Variants in NUP58 observed in about 807,000 individuals in gnomAD.
NUP58 encodes nucleoporin 58, also known as nucleoporin p58/p45.
In NUP58, 17 loss-of-function variants were observed where a neutral mutation model predicts 70.1. That is an observed-to-expected ratio of 0.24 (90% CI 0.17 to 0.36). The LOEUF (loss-of-function observed/expected upper bound fraction) is 0.36, where lower values mean the gene tolerates loss of function less well. Among genes scored for constraint, NUP58 ranks in the 10% least tolerant of loss-of-function variants. The probability of loss-of-function intolerance (pLI) is 1.00; values close to 1 mark genes in which losing one functional copy is unlikely to be tolerated. For missense variants in NUP58, 644 were observed against 701.5 expected (o/e 0.92, Z 0.93); for synonymous variants, 275 against 257.6 (o/e 1.07, Z -0.65).
chr13:25,332,982 G>C, intron 13 of NUP58: 1 of 983,034 alleles, frequency 1.0e-6, no homozygotes, highest in Non-Finnish European at 1.2e-6. Context: ...GTGTAGATTT[G>C]GTTAAGTGTT....
At chr13:25,307,577 A>G (rs1249488523) in intron 1 of NUP58, among the ~76,000 whole-genome samples, 1 of 152,062 alleles carries the variant, frequency 6.6e-6, no homozygotes, top group Admixed American at 6.6e-5. Context: ...TTTTAAGACT[A>G]CTTTTACATG....
intron 15 of NUP58, 183 bp downstream of exon 15, chr13:25,338,914 A>G (rs1311070248): frequency 2.3e-6 from 1 of 427,794 alleles, no homozygotes; most frequent in Non-Finnish European, 4.2e-6. Flanking sequence ...ACTAAAGGGC[A>G]GGTTTGTAAA....
chr13:25,332,024 T>G lies in NUP58; in HGVS notation c.1435+466T>G, dbSNP rs903206695. 5.9e-6 allele frequency: 6 copies of G among 1,012,808 alleles called. No individual in the cohort carries two copies. In the African/African-American group the frequency reaches 1.0e-4, roughly 17 times the overall value. 62.7% of individuals were successfully genotyped at this position (1,012,808 alleles called of 1,614,324 possible). A position where few individuals can be genotyped will look rare whatever the true frequency, so the allele number is the denominator to read the frequency against. ...CCCACATTCAGGATGAAGTATGCTT[T>G]TATTGACTGAAGGTATGTTGAAGAT... On this transcript the variant is annotated intron_variant, in intron 13 of 15. Transcript: ENST00000381736.
At chr13:25,319,274 T>C in intron 6 of NUP58, 52 bp from the exon 7 acceptor site, 1 of 1,428,136 alleles carries the variant, frequency 7.0e-7, no homozygotes, top group Non-Finnish European at 9.9e-7. Context: ...GTATTTGGAG[T>C]ATGTTGTTCA....
At chr13:25,319,500 A>G (rs933063707) in intron 7 of NUP58, 150 bp downstream of exon 7, 7 of 644,548 alleles carry the variant, frequency 1.1e-5, no homozygotes, top group African/African-American at 3.6e-5. Context: ...AAAATAATAG[A>G]CGTATGTTCT....
chr13:25,335,622 ATTAG>A (rs2031753169), intron 13 of NUP58: 1 of 984,934 alleles, frequency 1.0e-6, no homozygotes, highest in Non-Finnish European at 1.2e-6. Flanking sequence ...TCTGGCTGCT[ATTAG>A]TTATTGTTTG....
chr13:25,345,766 C>T (rs2137854891), downstream of NUP58, among the ~76,000 whole-genome samples: 1 of 152,120 alleles, frequency 6.6e-6, no homozygotes. Context: ...GATCAACTGG[C>T]CCTTTAAAAA....
intron 15 of NUP58, 70 bp from the exon 16 acceptor site, chr13:25,339,895 T>C (rs778079386): frequency 6.9e-6 from 9 of 1,310,528 alleles, no homozygotes; most frequent in Non-Finnish European, 9.4e-6. Flanking sequence ...AATTTACTGC[T>C]CCTCCCTGTT....
At chr13:25,346,249 G>T (rs1466865341), downstream of NUP58, among the ~76,000 whole-genome samples, 1 of 152,168 alleles carries the variant, frequency 6.6e-6, no homozygotes, top group Admixed American at 6.5e-5. Flanking sequence ...CCCGTGAGCT[G>T]GGTAGTGTTG....
downstream of NUP58, among the ~76,000 whole-genome samples, chr13:25,343,224 C>CT (rs1210187927): frequency 1.3e-5 from 2 of 151,848 alleles, no homozygotes; most frequent in Non-Finnish European, 2.9e-5. Flanking sequence ...TTCTTAATGC[C>CT]TTTGTATCCT....
intron 3 of NUP58, among the ~76,000 whole-genome samples, chr13:25,311,267 A>G (rs2030651309): frequency 6.6e-6 from 1 of 152,178 alleles, no homozygotes; most frequent in Non-Finnish European, 1.5e-5. Flanking sequence ...AGGGAGGTAT[A>G]TGTCGTGCCT....
In NUP58 at chr13:25,307,818, G is replaced by A. The variant is rs754530853; in HGVS notation, c.120G>A (p.Val40=). The change falls in exon 2 of 16, where the codon GTG becomes GTA. Residue 40 remains valine (V), a synonymous_variant. Transcript: ENST00000381736. ...TTCTTTAAATAAGCAACCCTTCTGT[G>A]GGGCTCAATTTTGGAAATCTTGGAA... is the stretch of plus-strand genomic sequence containing the variant. The part of the protein sequence containing the change: ...FGTGASSNPS[V]GLNFGNLGST... The A allele has an allele frequency of 6.2e-7, 1 of 1,614,034 alleles. No homozygotes were observed. The highest frequency in any genetic ancestry group is 1.1e-5 in the South Asian group (1 of 91,074).
intron 10 of NUP58, among the ~76,000 whole-genome samples, chr13:25,325,632 A>AT (rs937382895): frequency 6.6e-6 from 1 of 152,196 alleles, no homozygotes; most frequent in Non-Finnish European, 1.5e-5. Flanking sequence ...ATTTCACAAG[A>AT]TCTCTGTAGC....
At chr13:25,313,872 C>T (rs1348012117) in intron 5 of NUP58, 121 bp downstream of exon 5, 2 of 678,766 alleles carry the variant, frequency 2.9e-6, no homozygotes, top group Non-Finnish European at 4.5e-6. Context: ...AATATGAAAA[C>T]TAAATTATAA....
At chr13:25,316,224 C>T (rs948175681) in intron 6 of NUP58, among the ~76,000 whole-genome samples, 18 of 152,102 alleles carry the variant, frequency 1.2e-4, no homozygotes, top group African/African-American at 3.9e-4. Flanking sequence ...GCCCTTGCCA[C>T]GTTGAATCTT....
intron 1 of NUP58, among the ~76,000 whole-genome samples, chr13:25,306,037 A>G (rs905872121): frequency 6.6e-6 from 1 of 152,168 alleles, no homozygotes; most frequent in African/African-American, 2.4e-5. Context: ...ATTTATAAGT[A>G]TCCCTAATGA....
chr13:25,327,296 G>T, intron 11 of NUP58, 134 bp from the exon 12 acceptor site: 1 of 587,988 alleles, frequency 1.7e-6, no homozygotes. Context: ...GTGTTCTCTG[G>T]CCATGAGAAC....
rs1401699822 is a variant in NUP58, at chr13:25,326,768, T to G, written c.1032-148T>G. 5 of 443,062 alleles carry G rather than the reference T, an allele frequency of 1.1e-5. No individual in the cohort carries two copies. The Admixed American group carries it at 1.7e-4, about 15-fold the overall frequency. 27.4% of individuals were successfully genotyped at this position (443,062 alleles called of 1,614,324 possible). Reference sequence around the variant, plus strand: ...CATTTGTAATTTCTCCTTAATATCTTCCAGTCACAGTTATTCAGTCCTTCC... The same window carrying G: ...CATTTGTAATTTCTCCTTAATATCTGCCAGTCACAGTTATTCAGTCCTTCC... On this transcript the variant is annotated intron_variant, in intron 10 of 15. Transcript: ENST00000381736.
At position 25,342,178 on chromosome 13, in the gene NUP58, A is replaced by G. The variant is rs2031977201; in HGVS notation, c.*2044A>G. ...TGTGTTTTGAATTACTGTCAGAATT[A>G]CATACACAATTACAACAAACTTTTT... On this transcript the variant is annotated 3_prime_UTR_variant, in exon 16 of 16. Coordinates refer to ENST00000381736, the MANE Select transcript of NUP58 (RefSeq NM_014089.4). 1 of 152,686 alleles carries G rather than the reference A, an allele frequency of 6.5e-6. No individual in the cohort carries two copies. Among genetic ancestry groups the G allele is most frequent in the African/African-American group, 2.4e-5 (1 of 41,472 alleles). 9.5% of individuals were successfully genotyped at this position (152,686 alleles called of 1,614,324 possible). A position where few individuals can be genotyped will look rare whatever the true frequency, so the allele number is the denominator to read the frequency against.
Sources: allele counts gnomAD v4.1 joint callset (sites outside exome capture counted in the v4.1 genomes callset), GRCh38; gene constraint gnomAD v4.1.1; transcripts MANE v1.5; gene names NCBI Gene and HGNC (gene_info 2026-07-23, HGNC 2026-07-21).